RHBDD1: variants seen among roughly 807,000 people sequenced by gnomAD.
RHBDD1 encodes rhomboid domain containing 1, also known as rhomboid-related protein 4.
Under a neutral mutation model 36.3 loss-of-function variants are expected in RHBDD1, and 38 were observed. The ratio of observed to expected loss-of-function variants is 1.05; its 90% confidence interval spans 0.81 to 1.37. The LOEUF (loss-of-function observed/expected upper bound fraction) is 1.37. Among genes scored for constraint, RHBDD1 ranks in the 40% most tolerant of loss-of-function variants. The pLI is 0.00. For synonymous variants in RHBDD1, 151 were observed against 136.5 expected, an observed-to-expected ratio of 1.11 and a Z score of -0.74; for missense variants, 393 against 377.6, an observed-to-expected ratio of 1.04 and a Z score of -0.34.
chr2:226,831,506 G>A (rs1190972382), upstream of RHBDD1, among the ~76,000 whole-genome samples: 1 of 152,188 alleles, frequency 6.6e-6, no homozygotes. Flanking sequence ...GGCAGAGACT[G>A]AAGTGCTGCA....
At chr2:226,971,398 G>A (rs961886111) in intron 8 of RHBDD1, among the ~76,000 whole-genome samples, 2 of 152,232 alleles carry the variant, frequency 1.3e-5, no homozygotes, top group African/African-American at 4.8e-5. Flanking sequence ...TGTCATCACA[G>A]TGAAGCAGAA....
At chr2:226,837,931 T>G (rs1458970888) in intron 1 of RHBDD1, 142 bp from the exon 2 acceptor site, 1 of 152,242 alleles carries the variant, frequency 6.6e-6, no homozygotes, top group Non-Finnish European at 1.5e-5. Context: ...TATCTTTGTT[T>G]CCCATATGTC....
intron 8 of RHBDD1, among the ~76,000 whole-genome samples, chr2:226,946,282 G>A (rs967149286): frequency 1.3e-5 from 2 of 152,044 alleles, no homozygotes; most frequent in South Asian, 2.1e-4. Context: ...ATGGTTTTAG[G>A]TCTTATGTTT....
rs1559376689 is a variant in RHBDD1, at chr2:226,998,080, CTGTT to C, written c.*2559_*2562del. 1 of 152,196 alleles carries C rather than the reference CTGTT, an allele frequency of 6.6e-6. No homozygotes were observed. The highest frequency in any genetic ancestry group is 1.5e-5 in the Non-Finnish European group (1 of 68,038). 9.4% of individuals were successfully genotyped at this position (152,196 alleles called of 1,614,324 possible). A position where few individuals can be genotyped will look rare whatever the true frequency, so the allele number is the denominator to read the frequency against. On this transcript the variant is annotated 3_prime_UTR_variant, in exon 9 of 9. Transcript: ENST00000392062. ...TATTTATTAGTAGCTCCCTGATTGT[CTGTT>C]AAGCCCCTGGTTCCCACAGTTTGGT... is the stretch of plus-strand genomic sequence containing the variant.
At chr2:226,828,595 T>C in the RHBDD1 span, among the ~76,000 whole-genome samples, 2 of 152,210 alleles carry the variant, frequency 1.3e-5, no homozygotes, top group African/African-American at 4.8e-5. Flanking sequence ...TTTTTTATTA[T>C]AGTAACTTAA....
chr2:226,806,805 G>A, the RHBDD1 span, among the ~76,000 whole-genome samples: 1 of 152,262 alleles, frequency 6.6e-6, no homozygotes, highest in South Asian at 2.1e-4. Flanking sequence ...ACACTAAGGT[G>A]TCATGACCTA....
At chr2:226,958,156 A>T in intron 8 of RHBDD1, among the ~76,000 whole-genome samples, 1 of 152,390 alleles carries the variant, frequency 6.6e-6, no homozygotes, top group East Asian at 1.9e-4. Flanking sequence ...AAATTGATAA[A>T]TAAAATGTGG....
chr2:226,994,677 G>A (rs996316928), intron 8 of RHBDD1, among the ~76,000 whole-genome samples: 4 of 152,114 alleles, frequency 2.6e-5, no homozygotes, highest in Admixed American at 6.5e-5. Flanking sequence ...ATTACCTTTA[G>A]GTTGCTGGTT....
At chr2:226,826,633 G>C in the RHBDD1 span, among the ~76,000 whole-genome samples, 1 of 147,700 alleles carries the variant, frequency 6.8e-6, no homozygotes, top group Non-Finnish European at 1.5e-5. Context: ...CAATTCTCCT[G>C]CCTCAGCCTC....
At chr2:226,954,796 C>A (rs1951679223) in intron 8 of RHBDD1, among the ~76,000 whole-genome samples, 1 of 151,856 alleles carries the variant, frequency 6.6e-6, no homozygotes, top group Non-Finnish European at 1.5e-5. Context: ...AAAGACCTTT[C>A]TAAGGAGACG....
chr2:226,923,756 T>G (rs927269535), intron 8 of RHBDD1, among the ~76,000 whole-genome samples: 1 of 152,042 alleles, frequency 6.6e-6, no homozygotes, highest in Admixed American at 6.6e-5. Flanking sequence ...TTCAGGGTCA[T>G]TAATTCTTTC....
chr2:226,833,536 CAT>C (rs1940794522), upstream of RHBDD1, among the ~76,000 whole-genome samples: 1 of 152,196 alleles, frequency 6.6e-6, no homozygotes. Context: ...GTGGCTTAAT[CAT>C]AGGTATTGCT....
chr2:226,952,836 AACT>A (rs1951525182), intron 8 of RHBDD1, among the ~76,000 whole-genome samples: 1 of 152,086 alleles, frequency 6.6e-6, no homozygotes, highest in Non-Finnish European at 1.5e-5. Flanking sequence ...GGGTGGAGGG[AACT>A]AGTAAGGCAT....
chr2:226,871,413 A>G lies in RHBDD1; in HGVS notation c.566+4095A>G, dbSNP rs1455423634. Among the ~76,000 whole-genome samples, 3 of 152,332 alleles carry G rather than the reference A, an allele frequency of 2.0e-5. No individual in the cohort carries two copies. In the East Asian group the frequency reaches 5.8e-4, roughly 29 times the overall value. ...TGTCATGCAAAAGAAAATTAACAGT[A>G]ATTCCTTAATGTTGTTTAGTAATTG... is the stretch of plus-strand genomic sequence containing the variant. On this transcript the variant is annotated intron_variant, in intron 5 of 8. Coordinates refer to ENST00000392062, the MANE Select transcript of RHBDD1 (RefSeq NM_001167608.3).
At chr2:226,945,953 T>C (rs1176926379) in intron 8 of RHBDD1, among the ~76,000 whole-genome samples, 1 of 152,238 alleles carries the variant, frequency 6.6e-6, no homozygotes, top group East Asian at 1.9e-4. Context: ...AAATGTCTTC[T>C]TTCGAGAAGT....
At chr2:226,836,683 A>G (rs996658541) in intron 1 of RHBDD1, among the ~76,000 whole-genome samples, 1 of 152,236 alleles carries the variant, frequency 6.6e-6, no homozygotes, top group African/African-American at 2.4e-5. Flanking sequence ...CGTTACTGTC[A>G]AAATGAATGA....
At chr2:226,883,565 A>G (rs1945958647) in intron 5 of RHBDD1, among the ~76,000 whole-genome samples, 2 of 152,228 alleles carry the variant, frequency 1.3e-5, no homozygotes, top group Non-Finnish European at 2.9e-5. Context: ...TTCACTACCC[A>G]GGTTGAAACT....
chr2:226,977,041 T>C (rs1400869214), intron 8 of RHBDD1, among the ~76,000 whole-genome samples: 1 of 152,174 alleles, frequency 6.6e-6, no homozygotes, highest in Non-Finnish European at 1.5e-5. Flanking sequence ...AAGGCTGGCC[T>C]CACAAGTGAG....
chr2:226,944,005 A>G (rs1950820081), intron 8 of RHBDD1, among the ~76,000 whole-genome samples: 1 of 152,190 alleles, frequency 6.6e-6, no homozygotes, highest in African/African-American at 2.4e-5. Flanking sequence ...TTGACAGGCC[A>G]TTGGCCTGTG....
Sources: gnomAD v4.1 joint callset for allele counts (sites outside exome capture counted in the v4.1 genomes callset) on GRCh38, gnomAD v4.1.1 for gene constraint, MANE v1.5 for transcripts, NCBI Gene and HGNC (gene_info 2026-07-23, HGNC 2026-07-21) for gene names.